TSHZ1: variants seen among roughly 807,000 people sequenced by gnomAD.
TSHZ1 encodes the protein teashirt zinc finger homeobox 1, also known as teashirt homolog 1.
TSHZ1 carries 12 observed loss-of-function variants against 67.1 expected under a neutral mutation model. The ratio of observed to expected loss-of-function variants is 0.18; its 90% confidence interval spans 0.11 to 0.29. The LOEUF (loss-of-function observed/expected upper bound fraction) is 0.29, where lower values mean the gene tolerates loss of function less well. Ranked by LOEUF, TSHZ1 falls within the 10% of genes least tolerant of loss-of-function variation. The pLI, the probability that TSHZ1 is intolerant of heterozygous loss-of-function variation, is 1.00. For synonymous variants in TSHZ1, 632 were observed against 622.4 expected, an observed-to-expected ratio of 1.02 and a Z score of -0.23; for missense variants, 1,305 against 1,413.9, an observed-to-expected ratio of 0.92 and a Z score of 1.23.
intron 1 of TSHZ1, among the ~76,000 whole-genome samples, chr18:75,267,024 A>G (rs2023497639): frequency 1.3e-5 from 2 of 152,228 alleles, no homozygotes; most frequent in Non-Finnish European, 2.9e-5. Context: ...ATTTTCTGAC[A>G]TAGCCAAAAA....
Position 75,286,918 on chromosome 18 carries a change from A to G in TSHZ1, c.1511A>G (p.Lys504Arg). 2 of 1,614,186 alleles carry G rather than the reference A, an allele frequency of 1.2e-6. No homozygotes were observed. The highest frequency in any genetic ancestry group is 2.7e-5 in the African/African-American group (2 of 75,064). ...TTSEEKKEPE[K>R]EKPPVAGDAE... ...TCTGAAGAAAAGAAAGAGCCAGAGA[A>G]GGAGAAGCCGCCTGTGGCTGGCGAC... The change falls in exon 2 of 2, where the codon AAG becomes AGG. Residue 504 changes from lysine (K) to arginine (R), a missense_variant. Physicochemically the swap from Lys to Arg is conservative, Grantham distance 26. Coordinates refer to ENST00000580243, the MANE Select transcript of TSHZ1 (RefSeq NM_001308210.2). The surrounding 1 kb of genome is among the most constrained non-coding windows in gnomAD (Gnocchi z 5.1).
rs1445009874 is a variant in TSHZ1 at position 75,285,986 on chromosome 18, C to G, written c.579C>G (p.Ser193Arg). The change falls in exon 2 of 2, where the codon AGC becomes AGG. Residue 193 changes from serine to arginine, a missense_variant. Physicochemically the swap from Ser to Arg is moderately radical, Grantham distance 110 (BLOSUM62 -1). Transcript: ENST00000580243. ...TSHSSTTSTS[S>R]SSGYDWHQAA... ...ACAGCAGTACCACCAGTACCAGCAG[C>G]AGCTCCGGGTACGACTGGCACCAGG... 2 of 1,600,544 alleles carry G rather than the reference C, an allele frequency of 1.2e-6. No individual in the cohort carries two copies. The highest frequency in any genetic ancestry group is 1.7e-6 in the Non-Finnish European group (2 of 1,174,268).
chr18:75,288,592 A>G lies in TSHZ1; in HGVS notation c.3185A>G (p.Lys1062Arg). Residue 1062 changes from lysine to arginine, a missense_variant, in exon 2 of 2, where the codon AAG (lysine) becomes AGG (arginine). Transcript: ENST00000580243. The surrounding 1 kb of genome is among the most constrained non-coding windows in gnomAD (Gnocchi z 4.9). ...CTGCACCTTAGTAAGACCCACGGCAAGTCTCCCGAGGACCACCTGATCTAT... is the reference window on the plus strand; with the variant it reads ...CTGCACCTTAGTAAGACCCACGGCAGGTCTCCCGAGGACCACCTGATCTAT... ...VKLHLSKTHG[K>R]SPEDHLIYVT... 1 of 1,612,540 alleles carries G rather than the reference A, an allele frequency of 6.2e-7. No individual in the cohort carries two copies. The highest frequency in any genetic ancestry group is 8.5e-7 in the Non-Finnish European group (1 of 1,179,326).
At chr18:75,241,081 CACG>C (rs755447353) in intron 1 of TSHZ1, among the ~76,000 whole-genome samples, 26 of 152,268 alleles carry the variant, frequency 1.7e-4, no homozygotes, top group Non-Finnish European at 2.4e-4. Flanking sequence ...TTGGCTGCTC[CACG>C]ACAATTTTGT....
At chr18:75,255,536 T>G (rs925568615) in intron 1 of TSHZ1, among the ~76,000 whole-genome samples, 2 of 25,206 alleles carry the variant, frequency 7.9e-5, no homozygotes, top group Non-Finnish European at 1.9e-4. Flanking sequence ...ACTGTAACTC[T>G]TTGATTTTAT....
chr18:75,249,489 A>T, intron 1 of TSHZ1, among the ~76,000 whole-genome samples: 1 of 146,966 alleles, frequency 6.8e-6, no homozygotes, highest in Admixed American at 6.7e-5. Flanking sequence ...GGTAGGGGGG[A>T]AGGGTAGGTA....
chr18:75,231,764 A>C (rs1033794776), intron 1 of TSHZ1, among the ~76,000 whole-genome samples: 1 of 151,962 alleles, frequency 6.6e-6, no homozygotes, highest in African/African-American at 2.4e-5. Flanking sequence ...CTAACTCCTG[A>C]CTTGGGTGAT....
intron 1 of TSHZ1, among the ~76,000 whole-genome samples, chr18:75,257,716 C>T (rs1206445084): frequency 1.3e-5 from 2 of 152,110 alleles, no homozygotes; most frequent in Non-Finnish European, 2.9e-5. Context: ...GAGGAAGCAT[C>T]AGGCCAGAAT....
At chr18:75,247,991 A>T (rs1599038648) in intron 1 of TSHZ1, among the ~76,000 whole-genome samples, 1 of 152,228 alleles carries the variant, frequency 6.6e-6, no homozygotes, top group East Asian at 1.9e-4. Context: ...TTCAGAAACC[A>T]CAGTAAGAAA....
At chr18:75,225,205 C>T (rs898962679) in intron 1 of TSHZ1, among the ~76,000 whole-genome samples, 21 of 152,276 alleles carry the variant, frequency 1.4e-4, no homozygotes, top group African/African-American at 2.6e-4. Flanking sequence ...GCATGGTGGG[C>T]GCACAGGCCT....
intron 1 of TSHZ1, among the ~76,000 whole-genome samples, chr18:75,266,413 T>C (rs1015880084): frequency 1.3e-5 from 2 of 152,056 alleles, no homozygotes; most frequent in Admixed American, 1.3e-4. Flanking sequence ...GCAGATAACA[T>C]AGGTCCCCAT....
intron 1 of TSHZ1, among the ~76,000 whole-genome samples, chr18:75,261,419 T>G (rs2023429384): frequency 6.6e-6 from 1 of 152,232 alleles, no homozygotes; most frequent in African/African-American, 2.4e-5. Context: ...CAGCTCATAC[T>G]GGCACCTTTG....
chr18:75,286,379 C>T lies in TSHZ1; in HGVS notation c.972C>T (p.Val324=). 1 of 1,614,166 alleles carries T rather than the reference C, an allele frequency of 6.2e-7. No homozygotes were observed. Among genetic ancestry groups the T allele is most frequent in the Non-Finnish European group, 8.5e-7 (1 of 1,180,034 alleles). The change falls in exon 2 of 2, where the codon GTC becomes GTT. Residue 324 remains valine, a synonymous_variant. Coordinates refer to ENST00000580243, the MANE Select transcript of TSHZ1 (RefSeq NM_001308210.2). This position sits in a 1 kb window ranked among gnomAD's most constrained non-coding sequence, Gnocchi z 5.1. ...TTGAGTCCTTGCAGGACCTCAGCGT[C>T]CACATGATCAAAACCAAGCATTACC... ...HSFESLQDLS[V]HMIKTKHYQK... is the part of the protein sequence containing the mutation.
In TSHZ1 at chr18:75,285,929, G is replaced by A. The variant is rs141321614; in HGVS notation, c.522G>A (p.Thr174=). The change falls in exon 2 of 2, where the codon ACG becomes ACA. Residue 174 remains threonine, a synonymous_variant. Coordinates refer to ENST00000580243, the MANE Select transcript of TSHZ1 (RefSeq NM_001308210.2). Reference sequence around the variant, plus strand: ...GCACCACTGGCCCCACCACGAGCACGCCCAGCACCAGCTGCAGCTCCAGCA... The same window carrying A: ...GCACCACTGGCCCCACCACGAGCACACCCAGCACCAGCTGCAGCTCCAGCA... The part of the protein sequence containing the change: ...PVSTTGPTTS[T]PSTSCSSSTS... 29 of 1,266,696 alleles carry A rather than the reference G, an allele frequency of 2.3e-5. No homozygotes were observed. The African/African-American group carries it at 2.8e-4, about 12-fold the overall frequency. The allele number at this position is 1,266,696 out of a possible 1,614,324, so 78.5% of individuals were successfully genotyped here.
chr18:75,212,090 C>G (rs1191307197), intron 1 of TSHZ1, among the ~76,000 whole-genome samples, 174 bp downstream of exon 1: 3 of 152,096 alleles, frequency 2.0e-5, no homozygotes, highest in African/African-American at 7.2e-5. Context: ...TCCTCCCCCA[C>G]ACCCCCAACC....
chr18:75,234,584 A>T (rs1242870426), intron 1 of TSHZ1, among the ~76,000 whole-genome samples: 1 of 150,576 alleles, frequency 6.6e-6, no homozygotes, highest in Non-Finnish European at 1.5e-5. Context: ...GGTTATTTGA[A>T]GGGGTTTTTT....
At chr18:75,284,083 T>C (rs1349810221) in intron 1 of TSHZ1, 1 of 152,694 alleles carries the variant, frequency 6.5e-6, no homozygotes, top group African/African-American at 2.4e-5. Flanking sequence ...CAGCTAGTTG[T>C]TGCCTCGAGA....
rs2023753635 is a variant in TSHZ1 at position 75,285,971 on chromosome 18, C to T, written c.564C>T (p.Thr188=). 6.3e-7 allele frequency: 1 copy of T among 1,590,788 alleles called. No individual in the cohort carries two copies. Among genetic ancestry groups the T allele is most frequent in the Non-Finnish European group, 8.6e-7 (1 of 1,169,532 alleles). ...GCTCCAGCACCAGCCACAGCAGTACCACCAGTACCAGCAGCAGCTCCGGGT... is the reference window on the plus strand; with the variant it reads ...GCTCCAGCACCAGCCACAGCAGTACTACCAGTACCAGCAGCAGCTCCGGGT... ...SCSSSTSHSS[T]TSTSSSSGYD... Residue 188 remains threonine (T), a synonymous_variant, in exon 2 of 2, where the codon ACC becomes ACT. Coordinates refer to ENST00000580243, the MANE Select transcript of TSHZ1 (RefSeq NM_001308210.2).
chr18:75,285,857 G>C lies in TSHZ1; in HGVS notation c.450G>C (p.Gln150His). ...CCACCAGCACCAACGATGCCAGCCAGAAGGAGAGCTCCGCCCCCACCCCCA... is the reference window on the plus strand; with the variant it reads ...CCACCAGCACCAACGATGCCAGCCACAAGGAGAGCTCCGCCCCCACCCCCA... Reference protein sequence around the residue: ...GSTTSTNDASQKESSAPTPTP... With the variant: ...GSTTSTNDASHKESSAPTPTP... The change falls in exon 2 of 2, where the codon CAG becomes CAC. Residue 150 changes from glutamine to histidine, a missense_variant. Coordinates refer to ENST00000580243, the MANE Select transcript of TSHZ1 (RefSeq NM_001308210.2). The C allele has an allele frequency of 6.2e-7, 1 of 1,611,292 alleles. No individual in the cohort carries two copies. The highest frequency in any genetic ancestry group is 8.5e-7 in the Non-Finnish European group (1 of 1,179,052).
Sources: gnomAD v4.1 joint callset for allele counts (sites outside exome capture counted in the v4.1 genomes callset) on GRCh38, gnomAD v4.1.1 for gene constraint, Gnocchi (gnomAD v3.1) non-coding constraint, MANE v1.5 for transcripts, NCBI Gene and HGNC (gene_info 2026-07-23, HGNC 2026-07-21) for gene names.